SPACA7: variants seen among roughly 807,000 people sequenced by gnomAD.
The protein encoded by SPACA7 is sperm acrosome-associated protein 7.
A neutral mutation model predicts 26.3 loss-of-function variants in SPACA7; 19 were observed. The ratio of observed to expected loss-of-function variants is 0.72; its 90% CI spans 0.50 to 1.06. The LOEUF (loss-of-function observed/expected upper bound fraction) is 1.06, where lower values mean the gene tolerates loss of function less well. Among genes scored for constraint, SPACA7 ranks in the 50% least tolerant of loss-of-function variants. The pLI is 0.00. For missense variants in SPACA7, 211 were observed against 229.9 expected (o/e 0.92, Z 0.53); for synonymous variants, 84 against 84.5 (o/e 0.99, Z 0.04).
chr13:112,381,910 A>G (rs1427713922), intron 1 of SPACA7, among the ~76,000 whole-genome samples: 1 of 152,224 alleles, frequency 6.6e-6, no homozygotes. Context: ...TCTTAGGAGC[A>G]GTTTAGAGAA....
rs550863258 is a variant in SPACA7, at chr13:112,417,574, C to T, written c.446-14870C>T. Among the ~76,000 whole-genome samples the T allele has an allele frequency of 5.3e-5, 8 of 152,166 alleles. No individual in the cohort carries two copies. In the East Asian group the frequency reaches 1.5e-3, roughly 29 times the overall value. On this transcript the variant is annotated intron_variant, in intron 5 of 6. Coordinates refer to ENST00000283550, the MANE Select transcript of SPACA7 (RefSeq NM_145248.5). ...TTGTCATTCAATTTCTAAAAGGAGC[C>T]TACTCCTTATTTTTTGTCTTTTCTC...
chr13:112,414,388 C>CTTTTTTT lies in SPACA7; in HGVS notation c.445+13258_445+13264dup, dbSNP rs869183760. On this transcript the variant is annotated intron_variant, in intron 5 of 6. Coordinates refer to ENST00000283550, the MANE Select transcript of SPACA7 (RefSeq NM_145248.5). ...AAGTTTCTGAATGGCTTTTCTGTGTCTTTTTTTTTTTTTTTTTTTTTTTTT... is the reference window on the plus strand; with the variant it reads ...AAGTTTCTGAATGGCTTTTCTGTGTCTTTTTTTTTTTTTTTTTTTTTTTTTTTTTTTT... 8.3e-4 allele frequency among the ~76,000 whole-genome samples: 26 copies of CTTTTTTT among 31,396 alleles called. 10 individuals are homozygous for CTTTTTTT. Among genetic ancestry groups the CTTTTTTT allele is most frequent in the East Asian group, 2.4e-3 (2 of 820 alleles). The allele number at this position is 31,396 out of a possible 152,430, so 20.6% of individuals were successfully genotyped here.
intron 1 of SPACA7, among the ~76,000 whole-genome samples, chr13:112,383,107 AAAGAAAAGAAAAG>A (rs1257971191): frequency 4.6e-4 from 19 of 41,520 alleles, no homozygotes; most frequent in African/African-American, 1.9e-3. Flanking sequence ...AGAAGAAAGA[AAAGAAAAGAAAAG>A]AAAAGAAAGA....
Position 112,412,715 on chromosome 13 carries a change from C to T in SPACA7, c.445+11551C>T, listed in dbSNP as rs111778530. Among the ~76,000 whole-genome samples the T allele has an allele frequency of 1.7e-3, 257 of 152,204 alleles. 2 individuals are homozygous for T. The highest frequency in any genetic ancestry group is 5.3e-3 in the African/African-American group (219 of 41,538). On this transcript the variant is annotated intron_variant, in intron 5 of 6. Transcript: ENST00000283550. Reference sequence around the variant, plus strand: ...CAGAACCATTTATAAAGGAGACTATCCTTTTTCAAATGTATGTTCTTAGTG... The same window carrying T: ...CAGAACCATTTATAAAGGAGACTATTCTTTTTCAAATGTATGTTCTTAGTG...
intron 1 of SPACA7, among the ~76,000 whole-genome samples, chr13:112,392,695 C>A (rs189379302): frequency 4.6e-5 from 7 of 152,320 alleles, no homozygotes; most frequent in African/African-American, 1.4e-4. Flanking sequence ...GTCATCCTTG[C>A]GACCGGGATG....
chr13:112,401,258 C>G, intron 5 of SPACA7, 94 bp downstream of exon 5: 1 of 885,048 alleles, frequency 1.1e-6, no homozygotes, highest in South Asian at 1.5e-5. Context: ...GCCAGTATGC[C>G]TTGTTATGCC....
intron 1 of SPACA7, among the ~76,000 whole-genome samples, chr13:112,377,037 T>C (rs1485189751): frequency 1.3e-5 from 2 of 152,242 alleles, no homozygotes; most frequent in African/African-American, 4.8e-5. Flanking sequence ...AGGGGGCTAC[T>C]ACCATGGTGT....
chr13:112,397,249 G>A (rs2138941015), intron 2 of SPACA7, among the ~76,000 whole-genome samples: 1 of 152,300 alleles, frequency 6.6e-6, no homozygotes, highest in East Asian at 1.9e-4. Flanking sequence ...TGGGGCTGAG[G>A]AGCTTCTTCT....
At chr13:112,387,980 G>T (rs1163040215) in intron 1 of SPACA7, among the ~76,000 whole-genome samples, 2 of 152,118 alleles carry the variant, frequency 1.3e-5, no homozygotes, top group Non-Finnish European at 2.9e-5. Context: ...CCTCTGAATG[G>T]TAATTCACAA....
At chr13:112,379,305 T>C (rs916251771) in intron 1 of SPACA7, among the ~76,000 whole-genome samples, 2 of 152,206 alleles carry the variant, frequency 1.3e-5, no homozygotes, top group Non-Finnish European at 2.9e-5. Flanking sequence ...AAAAATCTCC[T>C]TGAAGACAAA....
intron 6 of SPACA7, 80 bp from the exon 7 acceptor site, chr13:112,434,405 G>C (rs1327851483): frequency 2.5e-6 from 3 of 1,213,896 alleles, no homozygotes; most frequent in African/African-American, 3.0e-5. Context: ...CCTGTCCCCT[G>C]GTGTCCCTCG....
intron 1 of SPACA7, among the ~76,000 whole-genome samples, chr13:112,383,219 GAAGA>G (rs35275744): frequency 4.1e-5 from 6 of 145,900 alleles, no homozygotes; most frequent in Non-Finnish European, 7.6e-5. Flanking sequence ...AGGAAAGAAG[GAAGA>G]AAGAAAGACT....
chr13:112,383,107 AAAGAAAAG>A (rs1316521552), intron 1 of SPACA7, among the ~76,000 whole-genome samples: 3 of 41,492 alleles, frequency 7.2e-5, no homozygotes, highest in Non-Finnish European at 1.6e-4. Context: ...AGAAGAAAGA[AAAGAAAAG>A]AAAAGAAAAG....
chr13:112,425,944 T>C (rs970226482), intron 5 of SPACA7, among the ~76,000 whole-genome samples: 2 of 152,218 alleles, frequency 1.3e-5, no homozygotes, highest in African/African-American at 2.4e-5. Flanking sequence ...ATTGTATCCT[T>C]AACAAACAGT....
At chr13:112,421,042 CA>C (rs1415687282) in intron 5 of SPACA7, among the ~76,000 whole-genome samples, 1 of 151,992 alleles carries the variant, frequency 6.6e-6, no homozygotes, top group Non-Finnish European at 1.5e-5. Context: ...ACATCGTTAG[CA>C]GATCTGCAAA....
chr13:112,381,407 C>T (rs1449588471), intron 1 of SPACA7, among the ~76,000 whole-genome samples: 1 of 151,116 alleles, frequency 6.6e-6, no homozygotes. Context: ...ATGGGAGGAT[C>T]ACCTGAGCCC....
chr13:112,431,685 C>A (rs532359263), intron 5 of SPACA7, among the ~76,000 whole-genome samples: 13 of 152,278 alleles, frequency 8.5e-5, no homozygotes, highest in Admixed American at 8.5e-4. Flanking sequence ...TTTAAGGATT[C>A]CAGGTTGCAC....
intron 1 of SPACA7, among the ~76,000 whole-genome samples, chr13:112,390,290 G>A (rs531167198): frequency 9.3e-4 from 141 of 152,286 alleles, no homozygotes; most frequent in African/African-American, 2.6e-3. Flanking sequence ...TGGCCACTCT[G>A]TATGGTTTGC....
At chr13:112,379,597 C>G (rs1883914122) in intron 1 of SPACA7, among the ~76,000 whole-genome samples, 1 of 152,184 alleles carries the variant, frequency 6.6e-6, no homozygotes, top group African/African-American at 2.4e-5. Flanking sequence ...ATTTCTGAAA[C>G]ACTTATAACA....
Sources: gnomAD v4.1 joint callset for allele counts (sites outside exome capture counted in the v4.1 genomes callset) on GRCh38, gnomAD v4.1.1 for gene constraint, MANE v1.5 for transcripts, NCBI Gene and HGNC (gene_info 2026-07-23, HGNC 2026-07-21) for gene names.